AFAP1L1: variants seen among roughly 807,000 people sequenced by gnomAD.
AFAP1L1 encodes actin filament-associated protein 1-like 1.
A neutral mutation model predicts 99.8 loss-of-function variants in AFAP1L1; 77 were observed. The ratio of observed to expected loss-of-function variants is 0.77; its 90% CI spans 0.64 to 0.93. The LOEUF (loss-of-function observed/expected upper bound fraction) is 0.93. AFAP1L1 is among the 40% of genes least tolerant of loss of function. The pLI is 0.00. For synonymous variants in AFAP1L1, 373 were observed against 395.3 expected, an observed-to-expected ratio of 0.94 and a Z score of 0.67; for missense variants, 893 against 996.8, an observed-to-expected ratio of 0.90 and a Z score of 1.40.
chr5:149,289,578 G>A (rs1431761254), intron 1 of AFAP1L1, among the ~76,000 whole-genome samples: 2 of 152,244 alleles, frequency 1.3e-5, no homozygotes, highest in Admixed American at 6.5e-5. Flanking sequence ...AACCAGTGCC[G>A]TCTCCTTCTA....
chr5:149,320,330 G>T lies in AFAP1L1; in HGVS notation c.1626-61G>T. 6.6e-7 allele frequency: 1 copy of T among 1,526,236 alleles called. No individual in the cohort carries two copies. The highest frequency in any genetic ancestry group is 1.1e-5 in the South Asian group (1 of 88,940). 94.5% of individuals were successfully genotyped at this position (1,526,236 alleles called of 1,614,324 possible). A position where few individuals can be genotyped will look rare whatever the true frequency, so the allele number is the denominator to read the frequency against. The stretch of plus-strand genomic sequence containing the variant: ...AATCAATGAGAGTGAGGACACGAAA[G>T]CACTGTAAGCTGCAAAGCATCATTG... On this transcript the variant is annotated intron_variant, in intron 13 of 18. Transcript: ENST00000296721. The surrounding 1 kb of genome is among the most constrained non-coding windows in gnomAD (Gnocchi z 4.0).
rs928547252 is a variant in AFAP1L1 at position 149,320,671 on chromosome 5, G to A, written c.1698+208G>A. Among the ~76,000 whole-genome samples, 2 of 152,222 alleles carry A rather than the reference G, an allele frequency of 1.3e-5. No homozygotes were observed. Among genetic ancestry groups the A allele is most frequent in the Non-Finnish European group, 2.9e-5 (2 of 68,046 alleles). ...GGGTGGTGTGGTGGAAAGAGACCCAGGTTGGGAGGAAGAAAGGGCTGTGCA... is the reference window on the plus strand; with the variant it reads ...GGGTGGTGTGGTGGAAAGAGACCCAAGTTGGGAGGAAGAAAGGGCTGTGCA... On this transcript the variant is annotated intron_variant, in intron 14 of 18. Coordinates refer to ENST00000296721, the MANE Select transcript of AFAP1L1 (RefSeq NM_152406.4). The surrounding 1 kb of genome is among the most constrained non-coding windows in gnomAD (Gnocchi z 4.0).
intron 5 of AFAP1L1, among the ~76,000 whole-genome samples, chr5:149,304,865 G>A (rs886845137): frequency 6.6e-6 from 1 of 152,202 alleles, no homozygotes; most frequent in African/African-American, 2.4e-5. Flanking sequence ...CCGTCTTCAG[G>A]AAACAGATGC....
chr5:149,284,861 A>G (rs544817858), intron 1 of AFAP1L1, among the ~76,000 whole-genome samples: 2 of 152,370 alleles, frequency 1.3e-5, no homozygotes, highest in Admixed American at 1.3e-4. Context: ...CAAATATCTC[A>G]GGTGAGCAGC....
chr5:149,319,835 G>T (rs1756902634), intron 13 of AFAP1L1, 108 bp downstream of exon 13: 1 of 1,451,976 alleles, frequency 6.9e-7, no homozygotes, highest in East Asian at 2.5e-5. Context: ...AGGAGCTAAG[G>T]AAAGCTCCGC....
chr5:149,299,877 T>G (rs1756138019), intron 2 of AFAP1L1, among the ~76,000 whole-genome samples: 1 of 151,520 alleles, frequency 6.6e-6, no homozygotes, highest in African/African-American at 2.4e-5. Flanking sequence ...CTCTTTGTAC[T>G]CCTTCACCCC....
At position 149,320,469 on chromosome 5, in the gene AFAP1L1, G is replaced by T. The variant is rs1756920171; in HGVS notation, c.1698+6G>T. 9 of 1,614,062 alleles carry T rather than the reference G, an allele frequency of 5.6e-6. No individual in the cohort carries two copies. Among genetic ancestry groups the T allele is most frequent in the Non-Finnish European group, 7.6e-6 (9 of 1,179,924 alleles). ...TTCCTTATGAAAAGATGCAGGTACA[G>T]TCCCTTGGGGCTGCCCAGGAATGTG... On this transcript the variant is annotated splice_donor_region_variant and intron_variant, in intron 14 of 18. Transcript: ENST00000296721. The surrounding 1 kb of genome is among the most constrained non-coding windows in gnomAD (Gnocchi z 4.0).
chr5:149,319,146 C>T (rs1756879455), intron 12 of AFAP1L1, among the ~76,000 whole-genome samples: 1 of 152,132 alleles, frequency 6.6e-6, no homozygotes, highest in Non-Finnish European at 1.5e-5. Flanking sequence ...GGAGATTTTC[C>T]TATACACAGT....
intron 1 of AFAP1L1, among the ~76,000 whole-genome samples, chr5:149,277,658 G>A (rs1755380997): frequency 1.3e-5 from 2 of 152,176 alleles, no homozygotes; most frequent in South Asian, 4.1e-4. Context: ...ATCTTTGTCA[G>A]TGTTGGGACC....
At chr5:149,276,419 A>G (rs1040520542) in intron 1 of AFAP1L1, among the ~76,000 whole-genome samples, 10 of 152,218 alleles carry the variant, frequency 6.6e-5, no homozygotes, top group African/African-American at 2.4e-4. Flanking sequence ...CTGATTCACA[A>G]ATACCACACA....
At chr5:149,308,296 A>C (rs1482371882) in intron 7 of AFAP1L1, among the ~76,000 whole-genome samples, 7 of 152,238 alleles carry the variant, frequency 4.6e-5, no homozygotes. Context: ...ACAAATGAAA[A>C]GTGATTTTTA....
At chr5:149,273,680 A>G (rs2127586144) in intron 1 of AFAP1L1, among the ~76,000 whole-genome samples, 1 of 152,118 alleles carries the variant, frequency 6.6e-6, no homozygotes, top group African/African-American at 2.4e-5. Context: ...GGAAAAACAG[A>G]GAGAAGAGGC....
intron 16 of AFAP1L1, among the ~76,000 whole-genome samples, chr5:149,332,148 G>C (rs1757274965): frequency 6.6e-6 from 1 of 152,240 alleles, no homozygotes; most frequent in Non-Finnish European, 1.5e-5. Flanking sequence ...TGTAATCCCA[G>C]CACTTTGGGA....
intron 12 of AFAP1L1, among the ~76,000 whole-genome samples, 193 bp from the exon 13 acceptor site, chr5:149,319,389 G>A (rs763969148): frequency 1.7e-4 from 26 of 152,122 alleles, no homozygotes; most frequent in Non-Finnish European, 3.5e-4. Context: ...ACATTTGATT[G>A]GAAACCTGAA....
chr5:149,273,789 G>A lies in AFAP1L1; in HGVS notation c.16+1805G>A, dbSNP rs533260745. Among the ~76,000 whole-genome samples the A allele has an allele frequency of 3.9e-4, 35 of 90,700 alleles. No individual in the cohort carries two copies. In the South Asian group the frequency reaches 7.0e-3, roughly 18 times the overall value. 59.5% of individuals were successfully genotyped at this position (90,700 alleles called of 152,430 possible). A position where few individuals can be genotyped will look rare whatever the true frequency, so the allele number is the denominator to read the frequency against. ...CTCCCCTTCACACTCCTAGTCGCCC[G>A]CCACCTCCCCAACCTCTCCACCACC... On this transcript the variant is annotated intron_variant, in intron 1 of 18. Coordinates refer to ENST00000296721, the MANE Select transcript of AFAP1L1 (RefSeq NM_152406.4).
chr5:149,301,544 G>A (rs963027097), intron 4 of AFAP1L1, among the ~76,000 whole-genome samples: 6 of 152,250 alleles, frequency 3.9e-5, no homozygotes, highest in Non-Finnish European at 7.4e-5. Context: ...CCCGAAGGAC[G>A]TCACCAGCCC....
At chr5:149,297,330 G>A (rs1756049790) in intron 1 of AFAP1L1, among the ~76,000 whole-genome samples, 1 of 152,132 alleles carries the variant, frequency 6.6e-6, no homozygotes, top group Non-Finnish European at 1.5e-5. Context: ...TGACCCCCCA[G>A]AGCTGTGCCA....
At position 149,300,279 on chromosome 5, in the gene AFAP1L1, G is replaced by T; in HGVS notation, c.154G>T (p.Val52Phe). The T allele has an allele frequency of 1.9e-6, 3 of 1,612,652 alleles. No individual in the cohort carries two copies. Among genetic ancestry groups the T allele is most frequent in the African/African-American group, 1.3e-5 (1 of 75,010 alleles). The change falls in exon 3 of 19, where the codon GTC becomes TTC. Residue 52 changes from valine (V) to phenylalanine (F), a missense_variant. Physicochemically the swap from Val to Phe is conservative, Grantham distance 50. Transcript: ENST00000296721. The part of the protein sequence containing the change: ...QSLQPLPAKE[V>F]SYLYVNTADL... ...CCCCTTCTTCCTCACAGCAAAGGAG[G>T]TCTCCTACCTGTATGTGAACACAGC...
chr5:149,290,155 C>T (rs905016146), intron 1 of AFAP1L1, among the ~76,000 whole-genome samples: 8 of 152,222 alleles, frequency 5.3e-5, no homozygotes, highest in Admixed American at 3.3e-4. Context: ...ATTGCTTGAA[C>T]CCGGGAGGCA....
Sources: gnomAD v4.1 joint callset for allele counts (sites outside exome capture counted in the v4.1 genomes callset) on GRCh38, gnomAD v4.1.1 for gene constraint, Gnocchi (gnomAD v3.1) non-coding constraint, MANE v1.5 for transcripts, NCBI Gene and HGNC (gene_info 2026-07-23, HGNC 2026-07-21) for gene names.